TET3: variants seen among roughly 807,000 people sequenced by gnomAD.
TET3 encodes the protein tet methylcytosine dioxygenase 3.
A neutral mutation model predicts 141.4 loss-of-function variants in TET3; 19 were observed. The observed-to-expected ratio is 0.13, with a 90% CI of 0.09 to 0.20. TET3 has a LOEUF of 0.20. Ranked by LOEUF, TET3 falls within the 10% of genes least tolerant of loss-of-function variation. The pLI is 1.00. For synonymous variants in TET3, 1,043 were observed against 980.9 expected, an observed-to-expected ratio of 1.06 and a Z score of -1.18; for missense variants, 1,874 against 2,356.9, an observed-to-expected ratio of 0.80 and a Z score of 4.24.
chr2:74,084,239 G>C (rs1689989312), intron 6 of TET3, among the ~76,000 whole-genome samples: 1 of 152,180 alleles, frequency 6.6e-6, no homozygotes, highest in Admixed American at 6.5e-5. Flanking sequence ...CTACAACATG[G>C]TTAGGACATT....
chr2:74,074,555 C>A (rs988451054), intron 5 of TET3, among the ~76,000 whole-genome samples: 5 of 152,228 alleles, frequency 3.3e-5, no homozygotes, highest in African/African-American at 1.2e-4. Context: ...AAGTTCGAGT[C>A]TATGGCTCAG....
At chr2:73,984,576 G>C (rs945257808), upstream of TET3, among the ~76,000 whole-genome samples, 2 of 151,944 alleles carry the variant, frequency 1.3e-5, no homozygotes, top group Admixed American at 1.3e-4. The surrounding 1 kb of genome is among the most constrained non-coding windows in gnomAD (Gnocchi z 5.6). Flanking sequence ...GCCTAGGCTG[G>C]AAGGTCCGCG....
At chr2:74,033,512 G>C (rs1398989847) in intron 3 of TET3, among the ~76,000 whole-genome samples, 1 of 152,014 alleles carries the variant, frequency 6.6e-6, no homozygotes, top group Non-Finnish European at 1.5e-5. Context: ...ATCATTTTAA[G>C]CAGTTGTGTA....
chr2:74,012,066 T>A (rs1196024363), intron 3 of TET3, among the ~76,000 whole-genome samples: 1 of 152,200 alleles, frequency 6.6e-6, no homozygotes, highest in African/African-American at 2.4e-5. Context: ...GCTCAAGCCA[T>A]CCTCCTGCCT....
intron 3 of TET3, among the ~76,000 whole-genome samples, chr2:74,005,694 T>A (rs1685117726): frequency 6.6e-6 from 1 of 152,086 alleles, no homozygotes; most frequent in Non-Finnish European, 1.5e-5. Flanking sequence ...TGGTAGCCAG[T>A]GGGAATAGAC....
intron 2 of TET3, among the ~76,000 whole-genome samples, chr2:73,996,016 G>A (rs2105107018): frequency 6.6e-6 from 1 of 152,178 alleles, no homozygotes; most frequent in South Asian, 2.1e-4. Flanking sequence ...GTCCCTAGTG[G>A]GGAAAATGAC....
chr2:74,095,045 A>T (rs774829236), intron 10 of TET3, among the ~76,000 whole-genome samples: 1 of 152,072 alleles, frequency 6.6e-6, no homozygotes, highest in Non-Finnish European at 1.5e-5. Flanking sequence ...CCTTGAAGGG[A>T]TGATGCTGGC....
chr2:74,039,176 G>C (rs947746910), intron 3 of TET3, among the ~76,000 whole-genome samples: 1 of 152,162 alleles, frequency 6.6e-6, no homozygotes, highest in South Asian at 2.1e-4. Flanking sequence ...CTGCCTTTGC[G>C]ATCAAGATAC....
At chr2:74,097,541 G>A (rs569521390) in intron 10 of TET3, among the ~76,000 whole-genome samples, 7 of 152,286 alleles carry the variant, frequency 4.6e-5, no homozygotes, top group African/African-American at 1.7e-4. Flanking sequence ...AGAAACAGGA[G>A]GGCAGGTCAT....
At chr2:73,992,301 T>TTTTCTTTTTTTTTCTTTTTTTTC (rs1558691773) in intron 2 of TET3, among the ~76,000 whole-genome samples, 47 of 145,494 alleles carry the variant, frequency 3.2e-4, no homozygotes, top group African/African-American at 1.0e-3. Context: ...TCTTTTTTTC[T>TTTTCTTTTTTTTTCTTTTTTTTC]TTTCTTTTTT....
chr2:74,134,633 C>T, the TET3 span: 1 of 453,896 alleles, frequency 2.2e-6, no homozygotes, highest in Non-Finnish European at 4.4e-6. Flanking sequence ...TGGGTGCTGG[C>T]TGATGGGAGC....
chr2:74,123,477 G>A, the TET3 span, among the ~76,000 whole-genome samples: 15 of 152,296 alleles, frequency 9.8e-5, no homozygotes, highest in South Asian at 1.0e-3. Flanking sequence ...AACTGGACCC[G>A]GCCTGTGGGC....
the TET3 span, among the ~76,000 whole-genome samples, chr2:74,118,563 G>T: frequency 1.8e-4 from 27 of 152,060 alleles, no homozygotes; most frequent in African/African-American, 5.3e-4. Context: ...AAGGCTTCTG[G>T]TCAACAGTAG....
intron 2 of TET3, among the ~76,000 whole-genome samples, chr2:73,993,034 C>T (rs964112543): frequency 6.6e-6 from 1 of 152,208 alleles, no homozygotes; most frequent in Non-Finnish European, 1.5e-5. Context: ...CCTGTTCAGT[C>T]TGTCAGCCAT....
intron 2 of TET3, chr2:73,993,446 A>G (rs1342812692): frequency 6.6e-6 from 1 of 152,224 alleles, no homozygotes; most frequent in Non-Finnish European, 1.5e-5. Context: ...TTGTATGTCC[A>G]TGAAAGTTTG....
At position 74,080,604 on chromosome 2, in the gene TET3, C is replaced by T. The variant is rs1280721548; in HGVS notation, c.2679+13C>T. The T allele has an allele frequency of 6.2e-7, 1 of 1,604,650 alleles. No individual in the cohort carries two copies. Among genetic ancestry groups the T allele is most frequent in the Non-Finnish European group, 8.5e-7 (1 of 1,175,744 alleles). ...CATTGCAAAGTGGGTGAGTGTTGAG[C>T]CCACTCAAGAGCCACAGCTGTGCCT... is the stretch of plus-strand genomic sequence containing the variant. On this transcript the variant is annotated intron_variant, in intron 6 of 11. Transcript: ENST00000409262.
chr2:74,010,898 A>C (rs1685394428), intron 3 of TET3, among the ~76,000 whole-genome samples: 2 of 152,236 alleles, frequency 1.3e-5, no homozygotes, highest in Non-Finnish European at 2.9e-5. Context: ...GCGGGAAACT[A>C]TAGCAAATGA....
chr2:74,020,002 G>A (rs1202786231), intron 3 of TET3, among the ~76,000 whole-genome samples: 3 of 152,228 alleles, frequency 2.0e-5, no homozygotes, highest in Admixed American at 2.0e-4. Context: ...AAGGCTGGAA[G>A]CAGAGCTTGT....
At chr2:74,122,907 TG>T in the TET3 span, 1 of 151,966 alleles carries the variant, frequency 6.6e-6, no homozygotes, top group Non-Finnish European at 1.5e-5. Flanking sequence ...TTGCCCAGGC[TG>T]GCCTTGAACT....
Sources: gnomAD v4.1 joint callset for allele counts (sites outside exome capture counted in the v4.1 genomes callset) on GRCh38, gnomAD v4.1.1 for gene constraint, Gnocchi (gnomAD v3.1) non-coding constraint, MANE v1.5 for transcripts, NCBI Gene and HGNC (gene_info 2026-07-23, HGNC 2026-07-21) for gene names.